Variants in SGCZ observed in about 807,000 individuals in gnomAD.
SGCZ encodes the protein zeta-sarcoglycan.
Under a neutral mutation model 41.3 loss-of-function variants are expected in SGCZ, and 40 were observed. The observed-to-expected ratio is 0.97, with a 90% CI of 0.75 to 1.26. The LOEUF is 1.26. Among genes scored for constraint, SGCZ ranks in the 50% most tolerant of loss-of-function variants. SGCZ has a pLI of 0.00. For synonymous variants in SGCZ, 206 were observed against 137.5 expected (o/e 1.50, Z -3.49); for missense variants, 552 against 369.8 (o/e 1.49, Z -4.04).
At chr8:14,624,105 C>T (rs1806370801) in intron 1 of SGCZ, among the ~76,000 whole-genome samples, 1 of 152,098 alleles carries the variant, frequency 6.6e-6, no homozygotes, top group Non-Finnish European at 1.5e-5. Flanking sequence ...TACTATTTGC[C>T]TCTGTCGTCC....
At chr8:14,887,089 C>T (rs1804837216) in intron 1 of SGCZ, among the ~76,000 whole-genome samples, 1 of 152,090 alleles carries the variant, frequency 6.6e-6, no homozygotes, top group South Asian at 2.1e-4. Context: ...AGGGCCAAGA[C>T]TGTATCATTC....
intron 1 of SGCZ, among the ~76,000 whole-genome samples, chr8:15,009,224 G>A (rs1337979439): frequency 6.6e-6 from 1 of 152,246 alleles, no homozygotes; most frequent in Admixed American, 6.5e-5. Flanking sequence ...AATTATGGCA[G>A]AAAGCAAAGG....
chr8:14,982,715 G>A (rs1431769198), intron 1 of SGCZ, among the ~76,000 whole-genome samples: 1 of 152,118 alleles, frequency 6.6e-6, no homozygotes, highest in Non-Finnish European at 1.5e-5. Context: ...CTTTTCCATT[G>A]CTATAGAGAA....
intron 1 of SGCZ, among the ~76,000 whole-genome samples, chr8:15,173,248 CAGTAG>C (rs1160492918): frequency 1.3e-5 from 2 of 152,104 alleles, no homozygotes; most frequent in African/African-American, 4.8e-5. Context: ...TTAAAGTGTA[CAGTAG>C]AGTAATTTTA....
intron 1 of SGCZ, among the ~76,000 whole-genome samples, chr8:14,912,383 A>C (rs975896612): frequency 6.6e-6 from 1 of 152,080 alleles, no homozygotes; most frequent in Admixed American, 6.6e-5. Flanking sequence ...ATGTCTCCTG[A>C]GAAGAAAATA....
At chr8:15,144,394 A>T (rs1798976805) in intron 1 of SGCZ, among the ~76,000 whole-genome samples, 1 of 151,994 alleles carries the variant, frequency 6.6e-6, no homozygotes, top group Non-Finnish European at 1.5e-5. Context: ...AACGTTTCCT[A>T]GTTTAATGAA....
intron 3 of SGCZ, among the ~76,000 whole-genome samples, chr8:14,258,372 C>T (rs183749671): frequency 1.3e-5 from 2 of 152,194 alleles, no homozygotes; most frequent in African/African-American, 4.8e-5. Context: ...CTGTACTTCC[C>T]TGATCTCTCG....
chr8:14,127,519 A>G (rs868856517), intron 5 of SGCZ, among the ~76,000 whole-genome samples: 59 of 152,206 alleles, frequency 3.9e-4, no homozygotes, highest in African/African-American at 1.3e-3. Context: ...GCAGTGGCAC[A>G]ATCTCGGCTC....
At chr8:15,036,132 G>A (rs1288731047) in intron 1 of SGCZ, among the ~76,000 whole-genome samples, 1 of 151,896 alleles carries the variant, frequency 6.6e-6, no homozygotes, top group East Asian at 1.9e-4. Context: ...AATAAAGTTA[G>A]AAATGAAAAA....
chr8:14,862,535 G>T (rs1439366878), intron 1 of SGCZ, among the ~76,000 whole-genome samples: 5 of 61,574 alleles, frequency 8.1e-5, no homozygotes, highest in Non-Finnish European at 1.5e-4. Context: ...GCATCTTTAA[G>T]ATATATATAT....
At chr8:14,133,375 C>A (rs1402625242) in intron 5 of SGCZ, among the ~76,000 whole-genome samples, 2 of 152,142 alleles carry the variant, frequency 1.3e-5, no homozygotes, top group African/African-American at 4.8e-5. Context: ...GTTTTTTGAG[C>A]AATTCCATTC....
chr8:14,906,490 T>G (rs1171400480), intron 1 of SGCZ, among the ~76,000 whole-genome samples: 5 of 152,150 alleles, frequency 3.3e-5, no homozygotes, highest in African/African-American at 1.2e-4. Context: ...ACAATTAAAA[T>G]TATTGTTTTA....
At chr8:14,334,300 C>T (rs1802433358) in intron 2 of SGCZ, among the ~76,000 whole-genome samples, 1 of 152,036 alleles carries the variant, frequency 6.6e-6, no homozygotes, top group African/African-American at 2.4e-5. Flanking sequence ...TCAGTTCATA[C>T]AGCACTTCAG....
chr8:14,675,335 C>A, intron 1 of SGCZ, among the ~76,000 whole-genome samples: 2 of 151,586 alleles, frequency 1.3e-5, no homozygotes, highest in Middle Eastern at 6.9e-3. Context: ...TGCATAATAC[C>A]GAAACAAACA....
intron 2 of SGCZ, among the ~76,000 whole-genome samples, chr8:14,390,410 G>C (rs1352711405): frequency 1.3e-5 from 2 of 151,582 alleles, no homozygotes; most frequent in East Asian, 3.9e-4. Context: ...ATCATGTTTA[G>C]AGCACTAATG....
chr8:15,165,830 G>A (rs574876960), intron 1 of SGCZ, among the ~76,000 whole-genome samples: 2 of 152,162 alleles, frequency 1.3e-5, no homozygotes, highest in South Asian at 2.1e-4. Flanking sequence ...GAGCTTCTCC[G>A]TGTGAACATA....
intron 4 of SGCZ, among the ~76,000 whole-genome samples, chr8:14,226,901 T>C (rs1053091877): frequency 1.2e-4 from 19 of 152,144 alleles, no homozygotes; most frequent in Admixed American, 1.1e-3. Flanking sequence ...ACTATACTTA[T>C]GACTTATGAT....
intron 4 of SGCZ, among the ~76,000 whole-genome samples, chr8:14,174,282 C>G (rs1301770755): frequency 6.6e-6 from 1 of 152,042 alleles, no homozygotes; most frequent in African/African-American, 2.4e-5. Context: ...GAAAATACAT[C>G]AGTTTATCAG....
chr8:14,263,049 AT>A (rs1305853007), intron 3 of SGCZ, among the ~76,000 whole-genome samples: 1 of 152,156 alleles, frequency 6.6e-6, no homozygotes, highest in East Asian at 1.9e-4. Context: ...CAATAAGATT[AT>A]TTTGGAATTG....
Sources: gnomAD v4.1 joint callset for allele counts (sites outside exome capture counted in the v4.1 genomes callset) on GRCh38, gnomAD v4.1.1 for gene constraint, MANE v1.5 for transcripts, NCBI Gene and HGNC (gene_info 2026-07-23, HGNC 2026-07-21) for gene names.